Variants in DGKG observed in about 807,000 individuals in gnomAD.
DGKG encodes the protein DAG kinase gamma.
DGKG carries 78 observed loss-of-function variants against 105.3 expected under a neutral mutation model. The ratio of observed to expected loss-of-function variants is 0.74; its 90% CI spans 0.62 to 0.89. The LOEUF is 0.89. Among genes scored for constraint, DGKG ranks in the 40% least tolerant of loss-of-function variants. The probability of loss-of-function intolerance (pLI) is 0.00; values close to 1 mark genes in which losing one functional copy is unlikely to be tolerated. For synonymous variants in DGKG, 346 were observed against 367.1 expected (o/e 0.94, Z 0.66); for missense variants, 958 against 1,020.1 (o/e 0.94, Z 0.83).
intron 19 of DGKG, among the ~76,000 whole-genome samples, chr3:186,251,000 A>G (rs1427810785): frequency 6.6e-6 from 1 of 151,942 alleles, no homozygotes; most frequent in Non-Finnish European, 1.5e-5. Context: ...GCCCACTCCA[A>G]TCCTCTTTGG....
At chr3:186,326,397 T>TCAAAAAAA (rs1560156258) in intron 1 of DGKG, among the ~76,000 whole-genome samples, 3 of 149,722 alleles carry the variant, frequency 2.0e-5, no homozygotes, top group African/African-American at 7.6e-5. Context: ...AGACACTGTC[T>TCAAAAAAA]TAAAAAAAAA....
intron 3 of DGKG, among the ~76,000 whole-genome samples, chr3:186,298,697 G>C (rs1289762898): frequency 6.6e-6 from 1 of 152,104 alleles, no homozygotes; most frequent in African/African-American, 2.4e-5. Flanking sequence ...ATGATGCAAA[G>C]AAATAGTTCT....
At chr3:186,179,785 G>C (rs1163066466) in intron 22 of DGKG, among the ~76,000 whole-genome samples, 3 of 152,190 alleles carry the variant, frequency 2.0e-5, no homozygotes, top group African/African-American at 7.2e-5. Context: ...GAATAGAAAA[G>C]GGCTTGAGAG....
At chr3:186,172,387 G>A (rs1716866875) in intron 22 of DGKG, among the ~76,000 whole-genome samples, 1 of 152,202 alleles carries the variant, frequency 6.6e-6, no homozygotes, top group African/African-American at 2.4e-5. Flanking sequence ...AAACAACCCT[G>A]AATGGAGGGG....
chr3:186,333,731 GA>G (rs1560160249), intron 1 of DGKG, among the ~76,000 whole-genome samples: 1 of 152,178 alleles, frequency 6.6e-6, no homozygotes, highest in Non-Finnish European at 1.5e-5. Flanking sequence ...TCCCACACCA[GA>G]AATGGACCTG....
chr3:186,233,657 G>A (rs1046837885), intron 20 of DGKG, among the ~76,000 whole-genome samples: 1 of 152,102 alleles, frequency 6.6e-6, no homozygotes, highest in African/African-American at 2.4e-5. Flanking sequence ...TTTTGTTTTC[G>A]TATTTTTAGT....
At chr3:186,155,643 A>G (rs1716000040) in intron 24 of DGKG, among the ~76,000 whole-genome samples, 1 of 152,246 alleles carries the variant, frequency 6.6e-6, no homozygotes, top group Non-Finnish European at 1.5e-5. Flanking sequence ...AATTCCTAGA[A>G]GTATATGAAC....
intron 20 of DGKG, among the ~76,000 whole-genome samples, chr3:186,228,757 G>A (rs1425705823): frequency 6.6e-6 from 1 of 152,136 alleles, no homozygotes; most frequent in Non-Finnish European, 1.5e-5. Context: ...TCCTCCTGAA[G>A]TTTCATCCTA....
chr3:186,240,771 C>G (rs905131101), intron 20 of DGKG, among the ~76,000 whole-genome samples: 1 of 148,598 alleles, frequency 6.7e-6, no homozygotes. Context: ...GATCGCGCCA[C>G]TGCACTCCAG....
chr3:186,184,216 C>T (rs6782470), intron 22 of DGKG, among the ~76,000 whole-genome samples: 27,642 of 151,726 alleles, frequency 0.18, 3,577 homozygotes, highest in African/African-American at 0.36. Flanking sequence ...GCCAGTTTTA[C>T]AGATGAGGAA....
At chr3:186,190,250 C>T (rs1717841252) in intron 21 of DGKG, among the ~76,000 whole-genome samples, 1 of 152,202 alleles carries the variant, frequency 6.6e-6, no homozygotes, top group Admixed American at 6.5e-5. Flanking sequence ...CTCTCTTCAT[C>T]TTCTCCCATG....
chr3:186,318,896 C>T (rs550966782), intron 2 of DGKG, among the ~76,000 whole-genome samples: 6 of 152,316 alleles, frequency 3.9e-5, no homozygotes, highest in African/African-American at 1.2e-4. Flanking sequence ...ATCCCCTTCT[C>T]GTTTCCACGC....
chr3:186,315,748 G>A (rs1724789198), intron 2 of DGKG, among the ~76,000 whole-genome samples: 1 of 152,124 alleles, frequency 6.6e-6, no homozygotes, highest in Non-Finnish European at 1.5e-5. Context: ...GATCGATATT[G>A]TGTGCTAGCC....
Position 186,235,587 on chromosome 3 carries a change from T to G in DGKG, c.1826+6917A>C, listed in dbSNP as rs143051977. 1.6e-3 allele frequency among the ~76,000 whole-genome samples: 247 copies of G among 152,354 alleles called. 1 individual carries two copies. The highest frequency in any genetic ancestry group is 5.5e-3 in the African/African-American group (229 of 41,584). On this transcript the variant is annotated intron_variant, in intron 20 of 24. Coordinates refer to ENST00000265022, the MANE Select transcript of DGKG (RefSeq NM_001346.3). The stretch of plus-strand genomic sequence containing the variant: ...GAAAGAATAACTTAGAAGGGTTTCA[T>G]TTTTAGATATAAGAAGAAAATCTTA...
chr3:186,271,281 C>G (rs1345510364), intron 11 of DGKG, among the ~76,000 whole-genome samples: 1 of 152,186 alleles, frequency 6.6e-6, no homozygotes, highest in Admixed American at 6.5e-5. Context: ...CCTACCTTTT[C>G]CCTTCTCTCA....
intron 3 of DGKG, among the ~76,000 whole-genome samples, chr3:186,299,158 C>T (rs1189567673): frequency 6.6e-6 from 1 of 152,202 alleles, no homozygotes; most frequent in Non-Finnish European, 1.5e-5. Flanking sequence ...ATCAAATCGG[C>T]AGATGCTCCT....
At position 186,297,478 on chromosome 3, in the gene DGKG, T is replaced by C. The variant is rs893086653; in HGVS notation, c.316A>G (p.Asn106Asp). ...SNSEANSADT[N>D]IQNADNATKA... Reference sequence around the variant, plus strand: ...GTGGCATTATCTGCATTCTGTATATTAGTATCTGAGGAAAAAAAAGAAGAT... The same window carrying C: ...GTGGCATTATCTGCATTCTGTATATCAGTATCTGAGGAAAAAAAAGAAGAT... Residue 106 changes from asparagine (N) to aspartate (D), a missense_variant, in exon 5 of 25, where the codon AAT (asparagine) becomes GAT (aspartate). Around this residue, in one of 2 missense-constraint regions of DGKG, gnomAD observed 643 missense variants for 619.5 expected, o/e 1.04. Transcript: ENST00000265022. 3 of 1,610,850 alleles carry C rather than the reference T, an allele frequency of 1.9e-6. No individual in the cohort carries two copies. Among genetic ancestry groups the C allele is most frequent in the Non-Finnish European group, 2.5e-6 (3 of 1,177,054 alleles).
Position 186,306,919 on chromosome 3 carries a change from T to C in DGKG, c.126A>G (p.Lys42=), listed in dbSNP as rs1197777388. The part of the protein sequence containing the change: ...LTEFNEGGSL[K]QYDPHEPISY... The stretch of plus-strand genomic sequence containing the variant: ...TTCTTACCTCATGTGGGTCATATTG[T>C]TTGAGGCTCCCACCCTCATTAAATT... The change falls in exon 3 of 25, where the codon AAA becomes AAG. Residue 42 remains lysine, a synonymous_variant. Coordinates refer to ENST00000265022, the MANE Select transcript of DGKG (RefSeq NM_001346.3). The C allele has an allele frequency of 3.7e-6, 6 of 1,611,404 alleles. No homozygotes were observed. Among genetic ancestry groups the C allele is most frequent in the Non-Finnish European group, 5.1e-6 (6 of 1,177,650 alleles).
intron 1 of DGKG, among the ~76,000 whole-genome samples, chr3:186,339,375 T>C (rs769532221): frequency 6.6e-6 from 1 of 152,158 alleles, no homozygotes; most frequent in African/African-American, 2.4e-5. Flanking sequence ...GATGTTGACA[T>C]GGTTGACTGA....
Sources: gnomAD v4.1 joint callset for allele counts (sites outside exome capture counted in the v4.1 genomes callset) on GRCh38, gnomAD v4.1.1 for gene constraint, gnomAD v4.1.1 regional missense constraint, MANE v1.5 for transcripts, NCBI Gene and HGNC (gene_info 2026-07-23, HGNC 2026-07-21) for gene names.